The following NDST3 variants were observed in gnomAD, a reference collection of about 807,000 sequenced individuals.
NDST3 encodes bifunctional heparan sulfate N-deacetylase/N-sulfotransferase 3.
In NDST3, 58 loss-of-function variants were observed where a neutral mutation model predicts 96.1. The observed-to-expected ratio is 0.60, with a 90% CI of 0.49 to 0.75. The LOEUF is 0.75. Ranked by LOEUF, NDST3 falls within the 30% of genes least tolerant of loss-of-function variation. The pLI is 0.00. For synonymous variants in NDST3, 333 were observed against 359.7 expected (o/e 0.93, Z 0.84); for missense variants, 788 against 1,034.2 (o/e 0.76, Z 3.27).
Position 118,114,792 on chromosome 4 carries a change from T to C in NDST3, c.1070-14T>C. ...GTAACTGGAATTAATTGGATAATAT[T>C]TCCCCCCCTAAAGGAACTGAAGAGG... On this transcript the variant is annotated splice_polypyrimidine_tract_variant and intron_variant, in intron 3 of 13. Coordinates refer to ENST00000296499, the MANE Select transcript of NDST3 (RefSeq NM_004784.3). 6.7e-7 allele frequency: 1 copy of C among 1,499,392 alleles called. No individual in the cohort carries two copies. Among genetic ancestry groups the C allele is most frequent in the African/African-American group, 1.7e-5 (1 of 59,138 alleles). 92.9% of individuals were successfully genotyped at this position (1,499,392 alleles called of 1,614,324 possible). A position where few individuals can be genotyped will look rare whatever the true frequency, so the allele number is the denominator to read the frequency against.
chr4:118,174,104 T>C (rs1464433680), intron 6 of NDST3, among the ~76,000 whole-genome samples: 3 of 122,092 alleles, frequency 2.5e-5, no homozygotes, highest in African/African-American at 4.8e-5. Context: ...TAAACATAAT[T>C]TTTTGTGGTT....
At chr4:118,174,147 A>T (rs1229364974) in intron 6 of NDST3, among the ~76,000 whole-genome samples, 1 of 152,208 alleles carries the variant, frequency 6.6e-6, no homozygotes, top group African/African-American at 2.4e-5. Flanking sequence ...GTCTTCCCAT[A>T]TAATGGGAAT....
At chr4:118,233,400 G>A (rs561961086) in intron 9 of NDST3, among the ~76,000 whole-genome samples, 161 of 152,070 alleles carry the variant, frequency 1.1e-3, no homozygotes, top group Non-Finnish European at 1.9e-3. Context: ...TAGATATTAA[G>A]TCAGAAGAAT....
Position 118,237,214 on chromosome 4 carries a change from G to C in NDST3, c.2112G>C (p.Trp704Cys). 2 of 1,604,624 alleles carry C rather than the reference G, an allele frequency of 1.2e-6. 1 individual carries two copies. The highest frequency in any genetic ancestry group is 2.2e-5 in the South Asian group (2 of 89,132). ...LIDPSDRAYS[W>C]YQHQRSHEDP... ...ACCCTTCAGACCGAGCATACTCCTG[G>C]TACCAGGTAAGGAAAATGCAAATAA... Residue 704 changes from tryptophan to cysteine, a missense_variant, in exon 10 of 14, where the codon TGG becomes TGC. By Grantham distance (215) the Trp-to-Cys change is radical. Around this residue, in one of 3 missense-constraint regions of NDST3, gnomAD observed 490 missense variants for 708.8 expected, o/e 0.69. Coordinates refer to ENST00000296499, the MANE Select transcript of NDST3 (RefSeq NM_004784.3).
Position 118,064,179 on chromosome 4 carries a change from C to T in NDST3, c.981+9288C>T, listed in dbSNP as rs1417867528. On this transcript the variant is annotated intron_variant, in intron 2 of 13. Coordinates refer to ENST00000296499, the MANE Select transcript of NDST3 (RefSeq NM_004784.3). The stretch of plus-strand genomic sequence containing the variant: ...CAAAATTGCCCATAATTCTGATAAT[C>T]TCACTTTTTCTATCTGTATGTACTC... Among the ~76,000 whole-genome samples, 4 of 152,242 alleles carry T rather than the reference C, an allele frequency of 2.6e-5. No individual in the cohort carries two copies. In the East Asian group the frequency reaches 7.7e-4, roughly 29 times the overall value.
chr4:118,053,685 G>A lies in NDST3; in HGVS notation c.-155-71G>A, dbSNP rs1725226785. On this transcript the variant is annotated intron_variant, in intron 1 of 13. Transcript: ENST00000296499. ...GCCAAGTACTCTGCCACTTATGCTA[G>A]TCAACAAGATAAAAACTTGCTTATT... The A allele has an allele frequency of 8.8e-6, 4 of 455,848 alleles. No individual in the cohort carries two copies. The Admixed American group carries it at 1.2e-4, about 13-fold the overall frequency. The allele number at this position is 455,848 out of a possible 1,614,324, so 28.2% of individuals were successfully genotyped here. A position where few individuals can be genotyped will look rare whatever the true frequency, so the allele number is the denominator to read the frequency against.
intron 2 of NDST3, among the ~76,000 whole-genome samples, chr4:118,080,234 C>G (rs1727901503): frequency 3.9e-5 from 6 of 152,046 alleles, no homozygotes; most frequent in Admixed American, 3.9e-4. Flanking sequence ...TTCTCTTCTA[C>G]AGTTGCTACA....
intron 2 of NDST3, among the ~76,000 whole-genome samples, chr4:118,066,120 T>A (rs190181017): frequency 0.065 from 4,788 of 73,534 alleles, 192 homozygotes; most frequent in Middle Eastern, 0.098. Context: ...ATTTTATATA[T>A]TATATATATT....
At chr4:118,149,906 T>A (rs1415786915) in intron 6 of NDST3, among the ~76,000 whole-genome samples, 3 of 151,736 alleles carry the variant, frequency 2.0e-5, no homozygotes, top group Non-Finnish European at 2.9e-5. Context: ...CATAGATAGC[T>A]CTTATTATTT....
intron 2 of NDST3, among the ~76,000 whole-genome samples, chr4:118,077,521 GC>G (rs1230384631): frequency 6.6e-6 from 1 of 152,166 alleles, no homozygotes; most frequent in Non-Finnish European, 1.5e-5. Flanking sequence ...TCTTGGAAGA[GC>G]CCCCTCCAAT....
intron 6 of NDST3, among the ~76,000 whole-genome samples, chr4:118,213,109 G>A (rs148849630): frequency 6.6e-6 from 1 of 152,234 alleles, no homozygotes; most frequent in East Asian, 1.9e-4. Flanking sequence ...AATCGTCAAA[G>A]CTAACACAAT....
intron 10 of NDST3, among the ~76,000 whole-genome samples, chr4:118,237,787 A>C (rs2126003792): frequency 6.6e-6 from 1 of 152,292 alleles, no homozygotes; most frequent in Admixed American, 6.5e-5. Context: ...GTACTAAAGA[A>C]ACAGCTTAGT....
At chr4:118,087,852 G>A (rs781425614) in intron 2 of NDST3, among the ~76,000 whole-genome samples, 18 of 152,072 alleles carry the variant, frequency 1.2e-4, no homozygotes, top group Admixed American at 5.3e-4. Flanking sequence ...TTAGTGCATG[G>A]GAGGTTGACC....
rs76128384 is a variant in NDST3, at chr4:118,128,643, T to C, written c.1225-9411T>C. Among the ~76,000 whole-genome samples the C allele has an allele frequency of 9.1e-3, 1,381 of 152,106 alleles. 25 individuals are homozygous for C. The highest frequency in any genetic ancestry group is 0.082 in the Middle Eastern group (24 of 294). The stretch of plus-strand genomic sequence containing the variant: ...ATTCATCACAGATGTTGGCCTGTAG[T>C]TTTCTTTTTTTGATGTGTCTTTATC... On this transcript the variant is annotated intron_variant, in intron 4 of 13. Transcript: ENST00000296499.
chr4:118,242,862 C>T (rs1044237443), intron 12 of NDST3, among the ~76,000 whole-genome samples: 3 of 152,020 alleles, frequency 2.0e-5, no homozygotes, highest in African/African-American at 7.2e-5. Flanking sequence ...GAGGTGTGCC[C>T]ATGCCTGAGA....
intron 6 of NDST3, among the ~76,000 whole-genome samples, chr4:118,220,565 G>C (rs1277958358): frequency 6.6e-6 from 1 of 151,806 alleles, no homozygotes; most frequent in African/African-American, 2.4e-5. Context: ...CGTATACCTA[G>C]GTAACAAACC....
intron 2 of NDST3, among the ~76,000 whole-genome samples, chr4:118,102,870 T>C (rs1325961678): frequency 6.6e-6 from 1 of 152,134 alleles, no homozygotes; most frequent in African/African-American, 2.4e-5. Flanking sequence ...ATAGGCATAA[T>C]TAGTATCTGC....
At chr4:118,040,984 G>A (rs1724431143) in intron 1 of NDST3, among the ~76,000 whole-genome samples, 1 of 151,074 alleles carries the variant, frequency 6.6e-6, no homozygotes, top group African/African-American at 2.4e-5. Flanking sequence ...CTGAGCTCAA[G>A]TGATCTGCCC....
At chr4:118,143,782 C>A in intron 6 of NDST3, 98 bp downstream of exon 6, 3 of 1,313,964 alleles carry the variant, frequency 2.3e-6, no homozygotes, top group South Asian at 1.6e-5. Context: ...ATCAGCCAAG[C>A]CAATATGAAG....
Sources: allele counts gnomAD v4.1 joint callset (sites outside exome capture counted in the v4.1 genomes callset), GRCh38; gene constraint gnomAD v4.1.1; regional missense constraint gnomAD v4.1.1; transcripts MANE v1.5; gene names NCBI Gene and HGNC (gene_info 2026-07-23, HGNC 2026-07-21).